The following SLC15A1 variants were observed in gnomAD, a reference collection of about 807,000 sequenced individuals.
SLC15A1 encodes the protein solute carrier family 15 member 1, also known as Caco-2 oligopeptide transporter.
SLC15A1 carries 83 observed loss-of-function variants against 92.9 expected under a neutral mutation model. The ratio of observed to expected loss-of-function variants is 0.89; its 90% confidence interval spans 0.75 to 1.07. SLC15A1 has a LOEUF of 1.07. SLC15A1 is among the 50% of genes least tolerant of loss of function. SLC15A1 has a pLI of 0.00. For missense variants in SLC15A1, 857 were observed against 880.1 expected (o/e 0.97, Z 0.33); for synonymous variants, 322 against 318.2 (o/e 1.01, Z -0.13).
chr13:98,699,461 C>T (rs1454291500), intron 18 of SLC15A1, among the ~76,000 whole-genome samples: 2 of 152,180 alleles, frequency 1.3e-5, no homozygotes, highest in Non-Finnish European at 2.9e-5. Flanking sequence ...GCATTCACAT[C>T]GTTGTATCAA....
At chr13:98,721,286 G>A (rs1328786540) in intron 7 of SLC15A1, 1 of 683,810 alleles carries the variant, frequency 1.5e-6, no homozygotes, top group Non-Finnish European at 2.8e-6. Flanking sequence ...ACTCTCCAGT[G>A]GTCACTGGGA....
chr13:98,708,061 C>T (rs11069326), intron 15 of SLC15A1, among the ~76,000 whole-genome samples: 57,208 of 148,436 alleles, frequency 0.39, 13,593 homozygotes, highest in Non-Finnish European at 0.54. Context: ...CTTGCTTTCA[C>T]TTAAAAATAT....
chr13:98,744,407 C>T (rs545555244), intron 1 of SLC15A1, among the ~76,000 whole-genome samples: 128 of 150,242 alleles, frequency 8.5e-4, no homozygotes, highest in Middle Eastern at 3.4e-3. Flanking sequence ...TTAAGTATGA[C>T]GTTAGGGTAT....
intron 7 of SLC15A1, 136 bp from the exon 8 acceptor site, chr13:98,719,456 C>T: frequency 1.8e-6 from 1 of 561,198 alleles, no homozygotes; most frequent in East Asian, 3.4e-5. Flanking sequence ...GCCTCACTGA[C>T]ATAATTGCCA....
At chr13:98,686,823 T>G (rs186546807) in intron 21 of SLC15A1, among the ~76,000 whole-genome samples, 1 of 152,368 alleles carries the variant, frequency 6.6e-6, no homozygotes, top group East Asian at 1.9e-4. Flanking sequence ...TGGGCTATAA[T>G]GCCTATAACT....
rs773913876 is a variant in SLC15A1 at position 98,709,616 on chromosome 13, A to T, written c.1023T>A (p.Asp341Glu). 6.2e-7 allele frequency: 1 copy of T among 1,614,182 alleles called. No homozygotes were observed. The highest frequency in any genetic ancestry group is 8.5e-7 in the Non-Finnish European group (1 of 1,180,042). The change falls in exon 14 of 23, where the codon GAT becomes GAA. Residue 341 changes from aspartate (D) to glutamate (E), a missense_variant. Transcript: ENST00000376503. ...ILIVIMVPIFDAVLYPLIAKC... is the reference protein window; with the variant it reads ...ILIVIMVPIFEAVLYPLIAKC... ...TTGCAATGAGAGGGTACAGCACAGC[A>T]TCGAAGATCGGGACCATGATCACGA...
chr13:98,711,909 C>T lies in SLC15A1; in HGVS notation c.845G>A (p.Arg282Lys). The T allele has an allele frequency of 1.9e-6, 3 of 1,613,314 alleles. No homozygotes were observed. Among genetic ancestry groups the T allele is most frequent in the South Asian group, 1.1e-5 (1 of 91,044 alleles). Reference sequence around the variant, plus strand: ...GAGTGGAATATACAGGAACATCACCCTCGTAACCATCTTAATTTGGGAGAT... The same window carrying T: ...GAGTGGAATATACAGGAACATCACCTTCGTAACCATCTTAATTTGGGAGAT... ...RLISQIKMVT[R>K]VMFLYIPLPM... Residue 282 changes from arginine to lysine, a missense_variant, in exon 11 of 23, where the codon AGG (arginine) becomes AAG (lysine). Coordinates refer to ENST00000376503, the MANE Select transcript of SLC15A1 (RefSeq NM_005073.4).
In SLC15A1 at chr13:98,702,505, G is replaced by A; in HGVS notation, c.1441C>T (p.Pro481Ser). ...CTGATTCCATTTTCCCCTTTTTCTG[G>A]CTTCTGGTTAAGACCATCCTTTACC... is the stretch of plus-strand genomic sequence containing the variant. ...QVVKDGLNQK[P>S]EKGENGIRFV... Residue 481 changes from proline to serine, a missense_variant, in exon 18 of 23, where the codon CCA becomes TCA. Coordinates refer to ENST00000376503, the MANE Select transcript of SLC15A1 (RefSeq NM_005073.4). 1 of 1,608,458 alleles carries A rather than the reference G, an allele frequency of 6.2e-7. No homozygotes were observed. Among genetic ancestry groups the A allele is most frequent in the Non-Finnish European group, 8.5e-7 (1 of 1,175,382 alleles).
chr13:98,693,374 A>C (rs528433966), intron 18 of SLC15A1, among the ~76,000 whole-genome samples: 65 of 152,326 alleles, frequency 4.3e-4, no homozygotes, highest in African/African-American at 1.5e-3. Flanking sequence ...CTGGGATTAC[A>C]GGCGTGAGCC....
At position 98,688,236 on chromosome 13, in the gene SLC15A1, C is replaced by T. The variant is rs2297318; in HGVS notation, c.1683+12G>A. 3,355 of 1,554,184 alleles carry T rather than the reference C, an allele frequency of 2.2e-3. 105 individuals carry two copies. The East Asian group carries it at 0.061, about 28-fold the overall frequency. ...GAGCAGATCTTCTGATACAATGAAACGAGTTACTAACCTTCCTTTGGACTA... is the reference window on the plus strand; with the variant it reads ...GAGCAGATCTTCTGATACAATGAAATGAGTTACTAACCTTCCTTTGGACTA... On this transcript the variant is annotated intron_variant, in intron 20 of 22. Coordinates refer to ENST00000376503, the MANE Select transcript of SLC15A1 (RefSeq NM_005073.4).
At chr13:98,722,710 T>C (rs139642329) in intron 5 of SLC15A1, among the ~76,000 whole-genome samples, 37 of 152,364 alleles carry the variant, frequency 2.4e-4, no homozygotes, top group Admixed American at 8.5e-4. Context: ...TCTTCCTGAA[T>C]TGGCTGGCCA....
chr13:98,748,656 A>G (rs899858052), intron 1 of SLC15A1, among the ~76,000 whole-genome samples: 2 of 152,052 alleles, frequency 1.3e-5, no homozygotes, highest in African/African-American at 4.8e-5. Context: ...AATTTACCCA[A>G]TGCTTCATCA....
At chr13:98,715,299 A>G (rs2088204097) in intron 9 of SLC15A1, among the ~76,000 whole-genome samples, 1 of 151,964 alleles carries the variant, frequency 6.6e-6, no homozygotes, top group African/African-American at 2.4e-5. Context: ...CTCACCCTCC[A>G]GAGTAGCTGG....
chr13:98,694,987 C>T (rs1422952777), intron 18 of SLC15A1, among the ~76,000 whole-genome samples: 2 of 144,696 alleles, frequency 1.4e-5, no homozygotes, highest in Non-Finnish European at 3.0e-5. Context: ...CACCACTGCA[C>T]TCCAACCGGG....
chr13:98,741,229 C>CCA (rs945523475), intron 1 of SLC15A1, among the ~76,000 whole-genome samples: 3 of 152,226 alleles, frequency 2.0e-5, no homozygotes, highest in Non-Finnish European at 2.9e-5. Flanking sequence ...GGGCTGCATT[C>CCA]CATACCAGGG....
chr13:98,717,495 C>T (rs1051579010), intron 8 of SLC15A1, among the ~76,000 whole-genome samples: 2 of 152,186 alleles, frequency 1.3e-5, no homozygotes, highest in Admixed American at 1.3e-4. Flanking sequence ...ATGACTTGTA[C>T]AGATGAGATA....
intron 1 of SLC15A1, among the ~76,000 whole-genome samples, chr13:98,729,003 AAAACAAC>A (rs2088326032): frequency 6.9e-6 from 1 of 145,330 alleles, no homozygotes; most frequent in Admixed American, 6.9e-5. Context: ...AAAAAAAAAA[AAAACAAC>A]AAGCCCCAAA....
intron 9 of SLC15A1, among the ~76,000 whole-genome samples, chr13:98,714,304 A>AT (rs777408958): frequency 9.2e-5 from 14 of 152,098 alleles, no homozygotes; most frequent in Admixed American, 2.0e-4. Flanking sequence ...CCTTGAAGGG[A>AT]TTTTTTTGAC....
Position 98,696,696 on chromosome 13 carries a change from G to C in SLC15A1, c.1466+5784C>G, listed in dbSNP as rs112914941. On this transcript the variant is annotated intron_variant, in intron 18 of 22. Coordinates refer to ENST00000376503, the MANE Select transcript of SLC15A1 (RefSeq NM_005073.4). ...ATGGCAGCTGTGTATGAGCACGTGT[G>C]GGGGACAGGAATGATCCCAGAGAGG... Among the ~76,000 whole-genome samples, 777 of 152,234 alleles carry C rather than the reference G, an allele frequency of 5.1e-3. 15 individuals are homozygous for C. Among genetic ancestry groups the C allele is most frequent in the African/African-American group, 0.017 (700 of 41,552 alleles).
Sources: gnomAD v4.1 joint callset for allele counts (sites outside exome capture counted in the v4.1 genomes callset) on GRCh38, gnomAD v4.1.1 for gene constraint, MANE v1.5 for transcripts, NCBI Gene and HGNC (gene_info 2026-07-23, HGNC 2026-07-21) for gene names.